The following LARGE1 variants were observed in gnomAD, a reference collection of about 807,000 sequenced individuals.
The protein encoded by LARGE1 is LARGE xylosyl- and glucuronyltransferase 1.
Under a neutral mutation model 87.6 loss-of-function variants are expected in LARGE1, and 43 were observed. That is an observed-to-expected ratio of 0.49 (90% CI 0.38 to 0.63). LARGE1 has a LOEUF of 0.63. LARGE1 is among the 30% of genes least tolerant of loss of function. LARGE1 has a pLI of 0.00. For synonymous variants in LARGE1, 434 were observed against 394.6 expected (o/e 1.10, Z -1.18); for missense variants, 802 against 1,000.2 (o/e 0.80, Z 2.67).
intron 9 of LARGE1, among the ~76,000 whole-genome samples, chr22:33,369,324 T>G (rs1006668585): frequency 6.6e-6 from 1 of 152,216 alleles, no homozygotes; most frequent in Non-Finnish European, 1.5e-5. Context: ...TAGAATGGGA[T>G]TCTCCCACAT....
intron 11 of LARGE1, among the ~76,000 whole-genome samples, chr22:33,254,382 T>C (rs138194164): frequency 1.3e-5 from 2 of 152,318 alleles, no homozygotes; most frequent in East Asian, 1.9e-4. Flanking sequence ...AGGCCCATTG[T>C]TGAAGAGGTT....
intron 2 of LARGE1, among the ~76,000 whole-genome samples, chr22:33,745,921 C>A (rs1451823433): frequency 2.6e-5 from 4 of 151,982 alleles, no homozygotes; most frequent in African/African-American, 7.3e-5. Flanking sequence ...GAGGGAGCGA[C>A]CTTACATAGA....
chr22:33,275,355 C>T (rs1929029196), intron 14 of LARGE1, among the ~76,000 whole-genome samples: 1 of 152,206 alleles, frequency 6.6e-6, no homozygotes, highest in Admixed American at 6.5e-5. Flanking sequence ...GATCTATTTA[C>T]TCTCATTTTG....
At chr22:33,455,685 C>T (rs975812450) in intron 6 of LARGE1, among the ~76,000 whole-genome samples, 5 of 134,874 alleles carry the variant, frequency 3.7e-5, no homozygotes, top group Non-Finnish European at 6.1e-5. Flanking sequence ...ACCCAGGAGG[C>T]GGAGGTTGCA....
the LARGE1 span, among the ~76,000 whole-genome samples, chr22:33,133,162 T>C: frequency 6.6e-6 from 1 of 152,192 alleles, no homozygotes; most frequent in Non-Finnish European, 1.5e-5. Context: ...GAAGAAACAA[T>C]TACCTGTGCC....
At chr22:33,848,223 A>T (rs1371461516) in intron 1 of LARGE1, among the ~76,000 whole-genome samples, 1 of 152,208 alleles carries the variant, frequency 6.6e-6, no homozygotes, top group Non-Finnish European at 1.5e-5. Context: ...GTAGGTGCTT[A>T]TTAGGAAAAG....
intron 6 of LARGE1, among the ~76,000 whole-genome samples, chr22:33,502,264 G>A (rs375416645): frequency 1.2e-4 from 18 of 151,960 alleles, no homozygotes; most frequent in South Asian, 8.3e-4. Flanking sequence ...TGACAGCGGC[G>A]GTGAGCTGAG....
At chr22:33,358,006 A>T (rs1036061779) in intron 9 of LARGE1, among the ~76,000 whole-genome samples, 1 of 152,152 alleles carries the variant, frequency 6.6e-6, no homozygotes, top group African/African-American at 2.4e-5. Flanking sequence ...CCTGGCCCAG[A>T]GTGGGTGCTC....
At chr22:33,784,958 T>G (rs2085556260) in intron 1 of LARGE1, among the ~76,000 whole-genome samples, 2 of 151,244 alleles carry the variant, frequency 1.3e-5, no homozygotes, top group Admixed American at 1.3e-4. Context: ...CATGTGTACA[T>G]GGGTATATAC....
intron 9 of LARGE1, among the ~76,000 whole-genome samples, chr22:33,381,262 C>T (rs1266461648): frequency 6.6e-6 from 1 of 152,176 alleles, no homozygotes; most frequent in Non-Finnish European, 1.5e-5. Flanking sequence ...TGATTTAGGC[C>T]ACTATCAGAA....
intron 4 of LARGE1, among the ~76,000 whole-genome samples, chr22:33,614,989 C>T (rs139586382): frequency 1.1e-4 from 16 of 152,340 alleles, no homozygotes; most frequent in East Asian, 5.8e-4. Context: ...CCGCTAACTG[C>T]GTCTGGCCTT....
chr22:33,129,613 T>A, the LARGE1 span, among the ~76,000 whole-genome samples: 1 of 152,104 alleles, frequency 6.6e-6, no homozygotes, highest in African/African-American at 2.4e-5. Flanking sequence ...TATGAAGAAA[T>A]GCCCGAGACT....
chr22:33,114,761 T>A, the LARGE1 span, among the ~76,000 whole-genome samples: 1 of 152,308 alleles, frequency 6.6e-6, no homozygotes, highest in East Asian at 1.9e-4. Flanking sequence ...TTTCCTTATC[T>A]GCAAAATGAG....
chr22:33,786,166 GAAGA>G (rs777877493), intron 1 of LARGE1, among the ~76,000 whole-genome samples: 5 of 152,196 alleles, frequency 3.3e-5, no homozygotes, highest in Non-Finnish European at 5.9e-5. Context: ...CAGGTGCTGG[GAAGA>G]CAGGGAAGGT....
At chr22:33,286,748 T>C (rs1931617317) in intron 12 of LARGE1, among the ~76,000 whole-genome samples, 2 of 151,486 alleles carry the variant, frequency 1.3e-5, no homozygotes, top group South Asian at 2.1e-4. Flanking sequence ...ATATACACGA[T>C]GGATACAGAG....
chr22:33,097,544 A>G, the LARGE1 span, among the ~76,000 whole-genome samples: 4 of 152,226 alleles, frequency 2.6e-5, no homozygotes, highest in Non-Finnish European at 5.9e-5. Context: ...ATTTTTCCCC[A>G]AGTAAAGCAT....
rs529309897 is a variant in LARGE1, at chr22:33,227,513, T to G, written c.1731-60681A>C. ...CAGCCCTACTAGTTTAACTCTCCATTGTTCACTCTACAAGTGGGGAAACTG... is the reference window on the plus strand; with the variant it reads ...CAGCCCTACTAGTTTAACTCTCCATGGTTCACTCTACAAGTGGGGAAACTG... On this transcript the variant is annotated intron_variant, in intron 11 of 11. Transcript: ENST00000608642. 3.8e-4 allele frequency among the ~76,000 whole-genome samples: 58 copies of G among 152,322 alleles called. 1 individual carries two copies. In the South Asian group the frequency reaches 4.6e-3, roughly 12 times the overall value.
chr22:33,331,970 C>T (rs1430404325), intron 10 of LARGE1, among the ~76,000 whole-genome samples: 1 of 152,144 alleles, frequency 6.6e-6, no homozygotes, highest in Non-Finnish European at 1.5e-5. Flanking sequence ...AGCACTACCA[C>T]TATTTTGGCA....
chr22:33,185,787 G>A (rs566336643), intron 11 of LARGE1, among the ~76,000 whole-genome samples: 3 of 152,154 alleles, frequency 2.0e-5, no homozygotes, highest in Admixed American at 2.0e-4. Context: ...AAATTGTTAA[G>A]TCCCTTTGAA....
Sources: allele counts gnomAD v4.1 joint callset (sites outside exome capture counted in the v4.1 genomes callset), GRCh38; gene constraint gnomAD v4.1.1; transcripts MANE v1.5; gene names NCBI Gene and HGNC (gene_info 2026-07-23, HGNC 2026-07-21).